Variants in YIPF1 observed in about 807,000 individuals in gnomAD.
The protein encoded by YIPF1 is Yip1 domain family member 1.
YIPF1 carries 22 observed loss-of-function variants against 37.0 expected under a neutral mutation model. The observed-to-expected ratio is 0.59, with a 90% CI of 0.42 to 0.85. YIPF1 has a LOEUF of 0.85. Ranked by LOEUF, YIPF1 falls within the 40% of genes least tolerant of loss-of-function variation. YIPF1 has a pLI of 0.00. For missense variants in YIPF1, 355 were observed against 373.1 expected, an observed-to-expected ratio of 0.95 and a Z score of 0.40; for synonymous variants, 128 against 131.9, an observed-to-expected ratio of 0.97 and a Z score of 0.21.
chr1:53,888,253 G>A (rs1650709247), intron 3 of YIPF1, among the ~76,000 whole-genome samples: 1 of 151,512 alleles, frequency 6.6e-6, no homozygotes, highest in African/African-American at 2.4e-5. Context: ...ACAAACAAGT[G>A]TTCATCAATC....
intron 10 of YIPF1, among the ~76,000 whole-genome samples, chr1:53,856,243 C>T (rs1649715501): frequency 6.6e-6 from 1 of 152,224 alleles, no homozygotes; most frequent in Admixed American, 6.5e-5. Flanking sequence ...TCTGTGTACA[C>T]CAGTCTGCTA....
intron 4 of YIPF1, among the ~76,000 whole-genome samples, chr1:53,882,003 T>C (rs771462214): frequency 1.3e-5 from 2 of 152,186 alleles, no homozygotes; most frequent in Non-Finnish European, 2.9e-5. Context: ...ATATGGTATA[T>C]ATACAACCAT....
At chr1:53,879,813 C>T (rs914121655) in intron 4 of YIPF1, among the ~76,000 whole-genome samples, 2 of 152,150 alleles carry the variant, frequency 1.3e-5, no homozygotes, top group Non-Finnish European at 2.9e-5. Context: ...AATTCAGCAC[C>T]TTCAACTGAA....
intron 4 of YIPF1, among the ~76,000 whole-genome samples, chr1:53,882,360 T>G (rs967465714): frequency 6.6e-6 from 1 of 151,920 alleles, no homozygotes; most frequent in Admixed American, 6.6e-5. Flanking sequence ...AAAAACATTT[T>G]CACAATTAAA....
chr1:53,862,684 C>A (rs911923917), intron 9 of YIPF1, among the ~76,000 whole-genome samples: 1 of 152,130 alleles, frequency 6.6e-6, no homozygotes, highest in African/African-American at 2.4e-5. Context: ...CTGGTTCAGC[C>A]GGTGCCCCTC....
chr1:53,889,258 G>A lies in YIPF1; in HGVS notation c.-64C>T. ...TCTCAACTCACTGTGTGAATGTTTA[G>A]AGAGCAGGTGCAGCCTAGAGATGTA... On this transcript the variant is annotated 5_prime_UTR_variant, in exon 2 of 11. Transcript: ENST00000072644. 3.6e-6 allele frequency: 1 copy of A among 276,456 alleles called. No individual in the cohort carries two copies. Among genetic ancestry groups the A allele is most frequent in the Middle Eastern group, 1.2e-3 (1 of 804 alleles). The allele number at this position is 276,456 out of a possible 1,614,324, so 17.1% of individuals were successfully genotyped here. A position where few individuals can be genotyped will look rare whatever the true frequency, so the allele number is the denominator to read the frequency against.
At chr1:53,856,680 CTT>C (rs2100717544) in intron 10 of YIPF1, among the ~76,000 whole-genome samples, 1 of 152,354 alleles carries the variant, frequency 6.6e-6, no homozygotes, top group African/African-American at 2.4e-5. Context: ...GAGTCCCTCC[CTT>C]CTTGGCCCCA....
rs139668419 is a variant in YIPF1 at position 53,871,944 on chromosome 1, C to A, written c.365-456G>T. On this transcript the variant is annotated intron_variant, in intron 6 of 10. Coordinates refer to ENST00000072644, the MANE Select transcript of YIPF1 (RefSeq NM_018982.5). ...CAGCATACAGAAAGAGCAGGGCAAA[C>A]AGAACACATGAGGGCAGAGTCGATT... Among the ~76,000 whole-genome samples the A allele has an allele frequency of 6.6e-5, 10 of 151,374 alleles. No individual in the cohort carries two copies. In the South Asian group the frequency reaches 2.1e-3, roughly 32 times the overall value.
At chr1:53,876,065 A>C (rs1557608280) in intron 6 of YIPF1, among the ~76,000 whole-genome samples, 1 of 152,360 alleles carries the variant, frequency 6.6e-6, no homozygotes, top group East Asian at 1.9e-4. Context: ...AATTGAATGA[A>C]TAAATGAAGA....
intron 6 of YIPF1, among the ~76,000 whole-genome samples, chr1:53,874,627 G>A (rs10888812): frequency 0.38 from 58,085 of 151,674 alleles, 11,340 homozygotes; most frequent in East Asian, 0.57. Flanking sequence ...ATTAGCTGGC[G>A]TGGTGGCACA....
Position 53,861,663 on chromosome 1 carries a change from GGGAA to G in YIPF1, c.832-1514_832-1511del, listed in dbSNP as rs796802450. The stretch of plus-strand genomic sequence containing the variant: ...AGGGAAGGAAGGAAGGAAGGGAGGG[GGGAA>G]GGAAGGAAGGAAGGGAGAGAGAGAG... On this transcript the variant is annotated intron_variant, in intron 9 of 10. Coordinates refer to ENST00000072644, the MANE Select transcript of YIPF1 (RefSeq NM_018982.5). Among the ~76,000 whole-genome samples the G allele has an allele frequency of 1.8e-3, 262 of 144,688 alleles. 2 individuals carry two copies. Among genetic ancestry groups the G allele is most frequent in the African/African-American group, 6.0e-3 (235 of 38,998 alleles). 94.9% of individuals were successfully genotyped at this position (144,688 alleles called of 152,430 possible).
intron 10 of YIPF1, among the ~76,000 whole-genome samples, chr1:53,853,245 T>C (rs1649640053): frequency 6.6e-6 from 1 of 152,090 alleles, no homozygotes; most frequent in Non-Finnish European, 1.5e-5. Context: ...ATACAGAAAA[T>C]ATTATTTATT....
At chr1:53,861,667 A>AGGAAGGAAGGAAGGGAGGGGGGAG (rs1380761236) in intron 9 of YIPF1, among the ~76,000 whole-genome samples, 1 of 121,052 alleles carries the variant, frequency 8.3e-6, no homozygotes, top group Non-Finnish European at 1.7e-5. Flanking sequence ...GGAGGGGGGA[A>AGGAAGGAAGGAAGGGAGGGGGGAG]GGAAGGAAGG....
chr1:53,887,619 G>A (rs937205223), intron 3 of YIPF1, among the ~76,000 whole-genome samples: 1 of 151,640 alleles, frequency 6.6e-6, no homozygotes, highest in African/African-American at 2.4e-5. Context: ...TTGAAGACGA[G>A]GTTGACAGTA....
intron 7 of YIPF1, among the ~76,000 whole-genome samples, chr1:53,871,060 G>A (rs942236488): frequency 4.0e-5 from 6 of 150,360 alleles, no homozygotes; most frequent in East Asian, 1.9e-4. Flanking sequence ...GTTGCTATTC[G>A]GCCTTGATTT....
intron 6 of YIPF1, among the ~76,000 whole-genome samples, chr1:53,873,403 C>T (rs1450662887): frequency 6.6e-6 from 1 of 152,104 alleles, no homozygotes; most frequent in African/African-American, 2.4e-5. Flanking sequence ...TAAGAGGTAC[C>T]AGTTCGAGGC....
At chr1:53,859,784 A>G (rs908608595) in intron 10 of YIPF1, among the ~76,000 whole-genome samples, 2 of 152,244 alleles carry the variant, frequency 1.3e-5, no homozygotes, top group South Asian at 4.1e-4. Flanking sequence ...AGTCCCCTCT[A>G]CTGGGACCAA....
chr1:53,863,492 C>A (rs927492648), intron 9 of YIPF1, among the ~76,000 whole-genome samples: 3 of 152,176 alleles, frequency 2.0e-5, no homozygotes, highest in Non-Finnish European at 2.9e-5. Flanking sequence ...CACAAAACCC[C>A]AAGAAAACAA....
At chr1:53,858,985 A>G (rs185898514) in intron 10 of YIPF1, among the ~76,000 whole-genome samples, 1 of 152,168 alleles carries the variant, frequency 6.6e-6, no homozygotes, top group Admixed American at 6.5e-5. Flanking sequence ...GTTTTTGCAC[A>G]CATCTCATGC....
Sources: allele counts gnomAD v4.1 joint callset (sites outside exome capture counted in the v4.1 genomes callset), GRCh38; gene constraint gnomAD v4.1.1; transcripts MANE v1.5; gene names NCBI Gene and HGNC (gene_info 2026-07-23, HGNC 2026-07-21).